PER1: variants seen among roughly 807,000 people sequenced by gnomAD.
PER1 encodes period circadian protein homolog 1.
Under a neutral mutation model 125.9 loss-of-function variants are expected in PER1, and 87 were observed. The ratio of observed to expected loss-of-function variants is 0.69; its 90% CI spans 0.58 to 0.83. The LOEUF is 0.83. Ranked by LOEUF, PER1 falls within the 40% of genes least tolerant of loss-of-function variation. The pLI is 0.00. For missense variants in PER1, 1,775 were observed against 1,722.8 expected (o/e 1.03, Z -0.54); for synonymous variants, 801 against 714.7 (o/e 1.12, Z -1.93).
At chr17:8,145,713 G>A (rs1210460410) in intron 17 of PER1, among the ~76,000 whole-genome samples, 1 of 152,162 alleles carries the variant, frequency 6.6e-6, no homozygotes, top group African/African-American at 2.4e-5. Context: ...GCACCTCAGG[G>A]CAAACCCTCT....
Position 8,149,262 on chromosome 17 carries a change from A to T in PER1, c.902T>A (p.Ile301Asn). The change falls in exon 7 of 23, where the codon ATC (isoleucine) becomes AAC (asparagine). Residue 301 changes from isoleucine to asparagine, a missense_variant. Coordinates refer to ENST00000317276, the MANE Select transcript of PER1 (RefSeq NM_002616.3). The part of the protein sequence containing the change: ...FTQEKSVFCR[I>N]RGGPDRDPGP... ...TTCTCCAGTTCCCCTCACCTACCTG[A>T]TACGGCAGAAGACGGACTTCTCCTG... 1.2e-6 allele frequency: 2 copies of T among 1,613,386 alleles called. No individual in the cohort carries two copies. Among genetic ancestry groups the T allele is most frequent in the Non-Finnish European group, 1.7e-6 (2 of 1,179,714 alleles).
At position 8,148,093 on chromosome 17, in the gene PER1, G is replaced by A. The variant is rs369241240; in HGVS notation, c.1138C>T (p.Leu380=). The change falls in exon 10 of 23, where the codon CTG becomes TTG. Residue 380 remains leucine, a synonymous_variant. Coordinates refer to ENST00000317276, the MANE Select transcript of PER1 (RefSeq NM_002616.3). The stretch of plus-strand genomic sequence containing the variant: ...AGGTCCTGGGGCAGGTAGCCCAGCA[G>A]GGGGGCAGCCCTGAACGGGAAGGAG... ...FQDVDERAAP[L]LGYLPQDLLG... is the part of the protein sequence containing the mutation. 13 of 1,612,118 alleles carry A rather than the reference G, an allele frequency of 8.1e-6. No homozygotes were observed. Among genetic ancestry groups the A allele is most frequent in the Non-Finnish European group, 9.3e-6 (11 of 1,179,172 alleles).
At chr17:8,142,544 A>AC in intron 20 of PER1, 86 bp from the exon 21 acceptor site, 1 of 1,541,746 alleles carries the variant, frequency 6.5e-7, no homozygotes. Context: ...CAAAGGCCAC[A>AC]TGTCCATCCC....
rs1982042859 is a variant in PER1, at chr17:8,140,958, A to T, written c.*110T>A. On this transcript the variant is annotated 3_prime_UTR_variant, in exon 23 of 23. Transcript: ENST00000317276. ...GGGTCCGGCCCCCTATGGTGGGAGA[A>T]GCTGGGGCAGTTTCCCACTGGTTGG... 17 of 1,263,548 alleles carry T rather than the reference A, an allele frequency of 1.3e-5. No individual in the cohort carries two copies. Among genetic ancestry groups the T allele is most frequent in the Non-Finnish European group, 1.8e-5 (16 of 901,992 alleles). 78.3% of individuals were successfully genotyped at this position (1,263,548 alleles called of 1,614,324 possible). A position where few individuals can be genotyped will look rare whatever the true frequency, so the allele number is the denominator to read the frequency against.
At chr17:8,145,208 A>T (rs1352606532) in intron 17 of PER1, 2 of 409,720 alleles carry the variant, frequency 4.9e-6, no homozygotes, top group African/African-American at 4.1e-5. Context: ...AAGAGACGAT[A>T]CTCAGGCCCC....
At position 8,146,941 on chromosome 17, in the gene PER1, A is replaced by G; in HGVS notation, c.1691T>C (p.Phe564Ser). Residue 564 changes from phenylalanine to serine, a missense_variant, in exon 14 of 23, where the codon TTT becomes TCT. By Grantham distance (155) the Phe-to-Ser change is radical. Coordinates refer to ENST00000317276, the MANE Select transcript of PER1 (RefSeq NM_002616.3). ...CTGAGGCCGGGCCCGAGACTCAATA[A>G]AAAGCTGCTGGCCCTGGTGCTTCAC... ...HLVKHQGQQLFIESRARPQSR... is the reference protein window; with the variant it reads ...HLVKHQGQQLSIESRARPQSR... 4 of 1,614,132 alleles carry G rather than the reference A, an allele frequency of 2.5e-6. No individual in the cohort carries two copies. Among genetic ancestry groups the G allele is most frequent in the Non-Finnish European group, 3.4e-6 (4 of 1,179,996 alleles).
chr17:8,147,745 G>T lies in PER1; in HGVS notation c.1317C>A (p.Thr439=). ...AGGGGTGCACAAAGCCAGCCCAGCT[G>T]GTGTCCATGGTGACATACTCCCCGT... ...ARNGEYVTMD[T]SWAGFVHPWS... is the part of the protein sequence containing the mutation. The change falls in exon 11 of 23, where the codon ACC becomes ACA. Residue 439 remains threonine (T), a synonymous_variant. Transcript: ENST00000317276. The T allele has an allele frequency of 6.2e-7, 1 of 1,614,088 alleles. No homozygotes were observed.
chr17:8,143,035 G>C (rs974034551), intron 19 of PER1, among the ~76,000 whole-genome samples, 200 bp from the exon 20 acceptor site: 1 of 152,190 alleles, frequency 6.6e-6, no homozygotes, highest in Admixed American at 6.5e-5. Context: ...CCAAGTGACA[G>C]ATGCTCTCTC....
chr17:8,147,066 C>A, intron 13 of PER1, 64 bp from the exon 14 acceptor site: 1 of 1,458,446 alleles, frequency 6.9e-7, no homozygotes, highest in South Asian at 1.2e-5. Flanking sequence ...GGGCCAAGGG[C>A]ACAATAAAAC....
rs766555914 is a variant in PER1 at position 8,144,932 on chromosome 17, G to A, written c.2280C>T (p.Pro760=). The A allele has an allele frequency of 1.4e-5, 21 of 1,523,798 alleles. No individual in the cohort carries two copies. Among genetic ancestry groups the A allele is most frequent in the East Asian group, 6.9e-5 (3 of 43,370 alleles). 94.4% of individuals were successfully genotyped at this position (1,523,798 alleles called of 1,614,324 possible). A position where few individuals can be genotyped will look rare whatever the true frequency, so the allele number is the denominator to read the frequency against. The change falls in exon 18 of 23, where the codon CCC becomes CCT. Residue 760 remains proline, a synonymous_variant. Coordinates refer to ENST00000317276, the MANE Select transcript of PER1 (RefSeq NM_002616.3). ...CTGGGTCAGGGGCTACTGTGGGGCT[G>A]GGGGCTGGGCTGGGGGCTGGGCCTG... The part of the protein sequence containing the change: ...LAPGPAPSPA[P]SPTVAPDPAP...
In PER1 at chr17:8,143,326, A is replaced by G; in HGVS notation, c.3012T>C (p.Pro1004=). Residue 1004 remains proline, a synonymous_variant, in exon 19 of 23, where the codon CCT becomes CCC. Transcript: ENST00000317276. ...GAGGTGGGGGCCCGGCACTGCTCCC[A>G]GGGCCTCCTGCAACAGCAGCCCCCT... ...RAEGAAVAGG[P]GSSAGPPPPS... 6.2e-7 allele frequency: 1 copy of G among 1,604,636 alleles called. No individual in the cohort carries two copies. The highest frequency in any genetic ancestry group is 1.1e-5 in the South Asian group (1 of 89,692).
In PER1 at chr17:8,147,257, G is replaced by GGAGGCC. The variant is rs1324840979; in HGVS notation, c.1616_1621dup (p.Pro540_Pro541insArgPro). On this transcript the variant is annotated inframe_insertion, in exon 13 of 23. Transcript: ENST00000317276. ...TAGGAGCAGGTCACTCACTGGCGCAGGAGGCCCAGGCCCCTCTGCATCACC... is the reference window on the plus strand; with the variant it reads ...TAGGAGCAGGTCACTCACTGGCGCAGGAGGCCGAGGCCCAGGCCCCTCTGCATCACC... 4.4e-6 allele frequency: 7 copies of GGAGGCC among 1,608,202 alleles called. No individual in the cohort carries two copies. Among genetic ancestry groups the GGAGGCC allele is most frequent in the Non-Finnish European group, 5.9e-6 (7 of 1,177,416 alleles).
intron 17 of PER1, 101 bp from the exon 18 acceptor site, chr17:8,145,094 G>A: frequency 7.9e-7 from 1 of 1,259,448 alleles, no homozygotes; most frequent in South Asian, 2.5e-5. Context: ...ACCCCTGGCA[G>A]CTCTGCCCCA....
rs762485235 is a variant in PER1 at position 8,144,803 on chromosome 17, C to T, written c.2409G>A (p.Arg803=). 6.3e-7 allele frequency: 1 copy of T among 1,585,738 alleles called. No homozygotes were observed. The highest frequency in any genetic ancestry group is 8.6e-7 in the Non-Finnish European group (1 of 1,165,666). The change falls in exon 18 of 23, where the codon AGG becomes AGA. Residue 803 remains arginine, a synonymous_variant. Transcript: ENST00000317276. ...TGGAAGAGCTGTCGAGTCCACGCAG[C>T]CTGCCCAGGTCTCGGAAGCGGCTGA... The part of the protein sequence containing the change: ...AFLSRFRDLG[R]LRGLDSSSTA...
Position 8,149,592 on chromosome 17 carries a change from C to A in PER1, c.723G>T (p.Leu241=). The A allele has an allele frequency of 6.2e-7, 1 of 1,613,604 alleles. No homozygotes were observed. The highest frequency in any genetic ancestry group is 8.5e-7 in the Non-Finnish European group (1 of 1,179,618). Residue 241 remains leucine (L), a synonymous_variant, in exon 6 of 23, where the codon CTG becomes CTT. Coordinates refer to ENST00000317276, the MANE Select transcript of PER1 (RefSeq NM_002616.3). ...IVYISEQAAV[L]LRCKRDVFRG... is the part of the protein sequence containing the mutation. The stretch of plus-strand genomic sequence containing the variant: ...GGAACACGTCCCGCTTGCAACGCAG[C>A]AGGACGGCTGCCTGCTCCGAAATGT...
At chr17:8,143,918 G>A (rs1982261727) in intron 18 of PER1, 42 bp from the exon 19 acceptor site, 2 of 1,567,960 alleles carry the variant, frequency 1.3e-6, no homozygotes, top group Non-Finnish European at 1.7e-6. Flanking sequence ...TCAACCTGGG[G>A]TTAGTACCCC....
At position 8,147,281 on chromosome 17, in the gene PER1, C is replaced by T. The variant is rs1224877414; in HGVS notation, c.1598G>A (p.Gly533Asp). ...AGGAGGCCCAGGCCCCTCTGCATCA[C>T]CCCCGTTGCTATCACTGGAGGACCC... ...SPGSSSDSNG[G>D]DAEGPGPPAP... Residue 533 changes from glycine to aspartate, a missense_variant, in exon 13 of 23, where the codon GGT (glycine) becomes GAT (aspartate). Coordinates refer to ENST00000317276, the MANE Select transcript of PER1 (RefSeq NM_002616.3). The T allele has an allele frequency of 6.2e-7, 1 of 1,612,558 alleles. No homozygotes were observed. Among genetic ancestry groups the T allele is most frequent in the Non-Finnish European group, 8.5e-7 (1 of 1,179,510 alleles).
chr17:8,142,709 A>G lies in PER1; in HGVS notation c.3199T>C (p.Leu1067=). Residue 1067 remains leucine, a synonymous_variant, in exon 20 of 23, where the codon TTG becomes CTG. Coordinates refer to ENST00000317276, the MANE Select transcript of PER1 (RefSeq NM_002616.3). ...GAGCCTGAACCAGACCCAGAGCCCA[A>G]GCCAGAGCCCAAGGAGCCCGAGGCT... ...SAASGSLGSG[L]GSGSGSGSHE... is the part of the protein sequence containing the mutation. 1.2e-6 allele frequency: 2 copies of G among 1,614,002 alleles called. No individual in the cohort carries two copies. Among genetic ancestry groups the G allele is most frequent in the Non-Finnish European group, 1.7e-6 (2 of 1,179,976 alleles).
rs766951240 is a variant in PER1 at position 8,146,588 on chromosome 17, C to A, written c.1907+6G>T. 1.9e-6 allele frequency: 3 copies of A among 1,606,702 alleles called. No individual in the cohort carries two copies. Among genetic ancestry groups the A allele is most frequent in the Non-Finnish European group, 2.6e-6 (3 of 1,175,856 alleles). ...CGAGGTGGAGAAGATGCCTGGCAGG[C>A]CTTACCTGAGGATGCTGTCCAGGCA... On this transcript the variant is annotated splice_donor_region_variant and intron_variant, in intron 15 of 22. Coordinates refer to ENST00000317276, the MANE Select transcript of PER1 (RefSeq NM_002616.3).
Sources: gnomAD v4.1 joint callset for allele counts (sites outside exome capture counted in the v4.1 genomes callset) on GRCh38, gnomAD v4.1.1 for gene constraint, MANE v1.5 for transcripts, NCBI Gene and HGNC (gene_info 2026-07-23, HGNC 2026-07-21) for gene names.